The following UBQLN1 variants were observed in gnomAD, a reference collection of about 807,000 sequenced individuals.
UBQLN1 encodes the protein ubiquilin-1.
A neutral mutation model predicts 65.4 loss-of-function variants in UBQLN1; 13 were observed. The ratio of observed to expected loss-of-function variants is 0.20; its 90% CI spans 0.13 to 0.32. The LOEUF is 0.32. UBQLN1 is among the 10% of genes least tolerant of loss of function. UBQLN1 has a pLI of 1.00. For synonymous variants in UBQLN1, 267 were observed against 247.8 expected (o/e 1.08, Z -0.73); for missense variants, 561 against 724.0 (o/e 0.77, Z 2.58).
chr9:83,699,573 G>A (rs1476689976), intron 1 of UBQLN1, among the ~76,000 whole-genome samples: 1 of 152,202 alleles, frequency 6.6e-6, no homozygotes, highest in African/African-American at 2.4e-5. Context: ...CTGAGCCATG[G>A]TGCTCAAGCA....
intron 1 of UBQLN1, among the ~76,000 whole-genome samples, chr9:83,691,297 T>C (rs1832124724): frequency 6.6e-6 from 1 of 151,900 alleles, no homozygotes; most frequent in Non-Finnish European, 1.5e-5. Flanking sequence ...ATATAAGACA[T>C]GAAAATGACA....
chr9:83,697,733 C>CTTTTTT lies in UBQLN1; in HGVS notation c.180+9761_180+9766dup, dbSNP rs35319221. ...ACCACACGCGGCTATTTTTTGTACC[C>CTTTTTT]TTTTTTTTTTTTTTTTTTTTGAGAC... On this transcript the variant is annotated intron_variant, in intron 1 of 10. Transcript: ENST00000376395. 1.7e-4 allele frequency among the ~76,000 whole-genome samples: 17 copies of CTTTTTT among 98,344 alleles called. 1 individual carries two copies. The highest frequency in any genetic ancestry group is 6.3e-4 in the African/African-American group (15 of 23,690). The allele number at this position is 98,344 out of a possible 152,430, so 64.5% of individuals were successfully genotyped here.
At chr9:83,672,982 A>AAATT (rs1831758738) in intron 6 of UBQLN1, among the ~76,000 whole-genome samples, 1 of 152,252 alleles carries the variant, frequency 6.6e-6, no homozygotes. Context: ...CTGTAATTCC[A>AAATT]GCACTTTGGG....
intron 1 of UBQLN1, among the ~76,000 whole-genome samples, chr9:83,688,945 A>G (rs1428575944): frequency 1.3e-5 from 2 of 152,236 alleles, no homozygotes; most frequent in Admixed American, 6.5e-5. Flanking sequence ...TTATGGAGAC[A>G]TAACTCATAC....
At chr9:83,687,698 G>A (rs186292156) in intron 1 of UBQLN1, among the ~76,000 whole-genome samples, 25 of 152,262 alleles carry the variant, frequency 1.6e-4, no homozygotes, top group African/African-American at 6.0e-4. Flanking sequence ...TCAGAGATAG[G>A]TGCATGAAAG....
intron 1 of UBQLN1, among the ~76,000 whole-genome samples, chr9:83,692,555 T>C (rs1832145856): frequency 1.3e-5 from 2 of 152,174 alleles, no homozygotes; most frequent in South Asian, 4.1e-4. Flanking sequence ...TTATTACAAT[T>C]ATACAAAATA....
At chr9:83,672,245 T>A (rs1831746004) in intron 6 of UBQLN1, among the ~76,000 whole-genome samples, 1 of 152,352 alleles carries the variant, frequency 6.6e-6, no homozygotes, top group South Asian at 2.1e-4. Flanking sequence ...TGCTTTCTTG[T>A]CATTCATGTC....
intron 7 of UBQLN1, chr9:83,668,297 C>T (rs1350013626): frequency 3.0e-6 from 3 of 984,316 alleles, no homozygotes; most frequent in African/African-American, 1.7e-5. Flanking sequence ...AAATAAAAAC[C>T]ATTCATTTGA....
At chr9:83,665,501 A>G (rs1386957156) in intron 8 of UBQLN1, 1 of 180,066 alleles carries the variant, frequency 5.6e-6, no homozygotes, top group African/African-American at 2.3e-5. Flanking sequence ...GATATGGTAA[A>G]AAGCCACATA....
intron 7 of UBQLN1, chr9:83,667,366 G>A: frequency 2.9e-6 from 1 of 339,638 alleles, no homozygotes; most frequent in Non-Finnish European, 4.2e-6. Context: ...CCAAAGTCTG[G>A]GGAGGAAATG....
chr9:83,698,258 T>C (rs972629107), intron 1 of UBQLN1, among the ~76,000 whole-genome samples: 1 of 152,018 alleles, frequency 6.6e-6, no homozygotes, highest in Non-Finnish European at 1.5e-5. Context: ...CTGGCTGAAA[T>C]GCAATGAAAA....
At chr9:83,706,720 C>A (rs973148528) in intron 1 of UBQLN1, among the ~76,000 whole-genome samples, 2 of 152,186 alleles carry the variant, frequency 1.3e-5, no homozygotes, top group Non-Finnish European at 2.9e-5. Context: ...TAATATTCTG[C>A]ATTCACTCCG....
Position 83,661,953 on chromosome 9 carries a change from A to C in UBQLN1, c.1618-14T>G. 6.3e-7 allele frequency: 1 copy of C among 1,598,716 alleles called. No homozygotes were observed. ...TGGATTCTGTAGCTATTAAAGAAAA[A>C]AAAAATTAATCCAACTCTAAAGGAA... On this transcript the variant is annotated splice_polypyrimidine_tract_variant and intron_variant, in intron 10 of 10. Coordinates refer to ENST00000376395, the MANE Select transcript of UBQLN1 (RefSeq NM_013438.5).
intron 1 of UBQLN1, among the ~76,000 whole-genome samples, chr9:83,688,692 C>T (rs1453104415): frequency 1.3e-5 from 2 of 151,986 alleles, no homozygotes; most frequent in African/African-American, 4.8e-5. Flanking sequence ...GAAACCCCGT[C>T]TCTACTAAAA....
Position 83,677,837 on chromosome 9 carries a change from G to A in UBQLN1, c.995C>T (p.Ser332Leu). ...GCTGGCAGTGCCGCTGGAAGCTGAT[G>A]AACTCTGGGAAGTCTGTGGAGCCCA... ...NPWAPQTSQSSSASSGTASTV... is the reference protein window; with the variant it reads ...NPWAPQTSQSLSASSGTASTV... Residue 332 changes from serine (S) to leucine (L), a missense_variant, in exon 6 of 11, where the codon TCA becomes TTA. Transcript: ENST00000376395. The A allele has an allele frequency of 1.2e-6, 2 of 1,614,150 alleles. No individual in the cohort carries two copies. Among genetic ancestry groups the A allele is most frequent in the Non-Finnish European group, 1.7e-6 (2 of 1,180,040 alleles).
chr9:83,667,729 G>A (rs1564160164), intron 7 of UBQLN1: 8 of 981,592 alleles, frequency 8.2e-6, no homozygotes, highest in Non-Finnish European at 9.7e-6. Flanking sequence ...CATCTTATTA[G>A]ATACTTCTTA....
chr9:83,685,880 G>C (rs975748008), intron 2 of UBQLN1, 124 bp downstream of exon 2: 14 of 840,218 alleles, frequency 1.7e-5, no homozygotes, highest in Admixed American at 3.4e-5. Flanking sequence ...TCGACAGCAA[G>C]GAAAGAATTT....
intron 10 of UBQLN1, 114 bp from the exon 11 acceptor site, chr9:83,662,053 T>C: frequency 1.1e-6 from 1 of 890,132 alleles, no homozygotes; most frequent in Non-Finnish European, 1.7e-6. Flanking sequence ...TACTGAGCTT[T>C]AAAAACACTG....
chr9:83,680,176 A>G, intron 3 of UBQLN1, 139 bp from the exon 4 acceptor site: 1 of 930,624 alleles, frequency 1.1e-6, no homozygotes, highest in East Asian at 2.7e-5. Flanking sequence ...CAAATCGAAT[A>G]CCTATTACTA....
Sources: allele counts gnomAD v4.1 joint callset (sites outside exome capture counted in the v4.1 genomes callset), GRCh38; gene constraint gnomAD v4.1.1; transcripts MANE v1.5; gene names NCBI Gene and HGNC (gene_info 2026-07-23, HGNC 2026-07-21).